The following OR9Q1 variants were observed in gnomAD, a reference collection of about 807,000 sequenced individuals.
The protein encoded by OR9Q1 is olfactory receptor family 9 subfamily Q member 1.
For synonymous variants in OR9Q1, 153 were observed against 148.6 expected (o/e 1.03, Z -0.22); for missense variants, 374 against 378.8 (o/e 0.99, Z 0.11).
rs145716708 is a variant in OR9Q1, at chr11:58,073,244, A to G, written c.-15+17297A>G. On this transcript the variant is annotated intron_variant, in intron 2 of 2. Transcript: ENST00000335397. ...TCTCATTTTGACAGTGTATGACTCAATAAGCTCTCTCTGTCCATCTGTGAT... is the reference window on the plus strand; with the variant it reads ...TCTCATTTTGACAGTGTATGACTCAGTAAGCTCTCTCTGTCCATCTGTGAT... 192 of 220,154 alleles carry G rather than the reference A, an allele frequency of 8.7e-4. 1 individual carries two copies. The highest frequency in any genetic ancestry group is 4.1e-3 in the African/African-American group (176 of 43,262). The allele number at this position is 220,154 out of a possible 1,614,324, so 13.6% of individuals were successfully genotyped here.
intron 2 of OR9Q1, among the ~76,000 whole-genome samples, chr11:58,173,123 T>G (rs576974363): frequency 2.0e-5 from 3 of 152,230 alleles, no homozygotes; most frequent in African/African-American, 7.2e-5. Context: ...CATGGTATTT[T>G]CTTTATTTTA....
Position 58,070,936 on chromosome 11 carries a change from C to T in OR9Q1, c.-15+14989C>T, listed in dbSNP as rs118185530. Among the ~76,000 whole-genome samples, 101 of 152,334 alleles carry T rather than the reference C, an allele frequency of 6.6e-4. 1 individual carries two copies. In the East Asian group the frequency reaches 0.017, roughly 26 times the overall value. On this transcript the variant is annotated intron_variant, in intron 2 of 2. Coordinates refer to ENST00000335397, the MANE Select transcript of OR9Q1 (RefSeq NM_001005212.4). ...TCCCTTCTGCTACCCACAGATGTCC[C>T]TAGTCTCATGGCTGACGCTGGCCTA...
chr11:58,109,195 GC>G, intron 2 of OR9Q1: 1 of 477,600 alleles, frequency 2.1e-6, no homozygotes, highest in Non-Finnish European at 4.3e-6. Context: ...ATGCAGAATG[GC>G]CCCTGACACC....
At chr11:58,109,097 A>G (rs761707930) in intron 2 of OR9Q1, 2 of 490,856 alleles carry the variant, frequency 4.1e-6, no homozygotes, top group African/African-American at 2.0e-5. Flanking sequence ...ATGCTGCTGC[A>G]GGCGAGCTTC....
intron 2 of OR9Q1, among the ~76,000 whole-genome samples, chr11:58,068,908 C>T (rs543920833): frequency 6.6e-6 from 1 of 152,076 alleles, no homozygotes; most frequent in African/African-American, 2.4e-5. Flanking sequence ...GATTCGCATC[C>T]ATGAATATAA....
intron 2 of OR9Q1, among the ~76,000 whole-genome samples, chr11:58,066,051 G>T (rs1853425981): frequency 6.6e-6 from 1 of 152,144 alleles, no homozygotes; most frequent in Non-Finnish European, 1.5e-5. Context: ...GGTATGACAG[G>T]TCTGGAGTCC....
intron 2 of OR9Q1, among the ~76,000 whole-genome samples, chr11:58,135,117 T>C (rs1034511809): frequency 3.9e-5 from 6 of 152,178 alleles, no homozygotes; most frequent in Non-Finnish European, 7.3e-5. Flanking sequence ...TTTAAGCAAC[T>C]GGCTGGGAAT....
chr11:58,074,557 C>T (rs890379502), intron 2 of OR9Q1, among the ~76,000 whole-genome samples: 1 of 151,872 alleles, frequency 6.6e-6, no homozygotes, highest in African/African-American at 2.4e-5. Context: ...CTGTAGTTTG[C>T]CTTTTCACTC....
In OR9Q1 at chr11:58,030,452, C is replaced by A. The variant is rs547267603; in HGVS notation, c.-93+6348C>A. 9.2e-5 allele frequency among the ~76,000 whole-genome samples: 14 copies of A among 152,320 alleles called. 1 individual carries two copies. In the South Asian group the frequency reaches 2.7e-3, roughly 29 times the overall value. The stretch of plus-strand genomic sequence containing the variant: ...AATTATCTAACTTACATTTTCACAA[C>A]AAATCTGTTAGGTTCTCTTTTATTT... On this transcript the variant is annotated intron_variant, in intron 1 of 2. Transcript: ENST00000335397.
chr11:58,173,009 A>G lies in OR9Q1; in HGVS notation c.-14-6422A>G, dbSNP rs560030789. 4.6e-5 allele frequency among the ~76,000 whole-genome samples: 7 copies of G among 152,288 alleles called. No homozygotes were observed. In the South Asian group the frequency reaches 1.0e-3, roughly 23 times the overall value. On this transcript the variant is annotated intron_variant, in intron 2 of 2. Transcript: ENST00000335397. Reference sequence around the variant, plus strand: ...TATAATGATTTCTGTCTAGTAAACTATAAGTGGTAAAAAAAATTACTGGTT... The same window carrying G: ...TATAATGATTTCTGTCTAGTAAACTGTAAGTGGTAAAAAAAATTACTGGTT...
At chr11:58,074,918 A>T (rs193204960) in intron 2 of OR9Q1, among the ~76,000 whole-genome samples, 2 of 152,024 alleles carry the variant, frequency 1.3e-5, no homozygotes, top group African/African-American at 4.8e-5. Context: ...ATGGTTTTAG[A>T]TGTGTGGTGT....
intron 2 of OR9Q1, among the ~76,000 whole-genome samples, chr11:58,145,725 T>G (rs1030228945): frequency 6.6e-6 from 1 of 152,186 alleles, no homozygotes; most frequent in South Asian, 2.1e-4. Flanking sequence ...CTACAAAATA[T>G]AGATTTTTTT....
intron 2 of OR9Q1, among the ~76,000 whole-genome samples, chr11:58,107,171 G>T (rs1204216692): frequency 6.6e-6 from 1 of 151,748 alleles, no homozygotes; most frequent in African/African-American, 2.4e-5. Context: ...GTGCAGGTTT[G>T]TTATATATGT....
At chr11:58,083,264 G>A (rs1370026375) in intron 2 of OR9Q1, among the ~76,000 whole-genome samples, 1 of 151,826 alleles carries the variant, frequency 6.6e-6, no homozygotes, top group East Asian at 1.9e-4. Context: ...TATTAAATAG[G>A]GAATCCTTTC....
At chr11:58,087,262 A>G (rs918181246) in intron 2 of OR9Q1, among the ~76,000 whole-genome samples, 5 of 151,816 alleles carry the variant, frequency 3.3e-5, no homozygotes, top group African/African-American at 9.7e-5. Flanking sequence ...AAGACTCAAT[A>G]CATCATCAAT....
Position 58,095,563 on chromosome 11 carries a change from CAT to C in OR9Q1, c.-15+39617_-15+39618del, listed in dbSNP as rs1385723527. Among the ~76,000 whole-genome samples the C allele has an allele frequency of 3.9e-5, 6 of 152,250 alleles. No individual in the cohort carries two copies. The East Asian group carries it at 1.2e-3, about 29-fold the overall frequency. On this transcript the variant is annotated intron_variant, in intron 2 of 2. Transcript: ENST00000335397. ...TAATCATGGTGGAAGGGGAAGCAAA[CAT>C]GTCTTTTTTCATATGGCAGCAGGAG...
chr11:58,076,936 A>G (rs2120032141), intron 2 of OR9Q1, among the ~76,000 whole-genome samples: 1 of 152,356 alleles, frequency 6.6e-6, no homozygotes, highest in Non-Finnish European at 1.5e-5. Context: ...AATAATTGAA[A>G]TCTTCCCCTT....
intron 2 of OR9Q1, among the ~76,000 whole-genome samples, chr11:58,175,977 T>C (rs1196566734): frequency 2.0e-5 from 3 of 152,142 alleles, no homozygotes; most frequent in African/African-American, 4.8e-5. Flanking sequence ...TCCCAGGCTT[T>C]TGTTTTCTCC....
intron 2 of OR9Q1, among the ~76,000 whole-genome samples, chr11:58,068,068 G>A (rs1426972610): frequency 6.6e-6 from 1 of 152,140 alleles, no homozygotes; most frequent in Admixed American, 6.5e-5. Context: ...GCCGGGCATG[G>A]TGGCTCACGC....
Sources: gnomAD v4.1 joint callset for allele counts (sites outside exome capture counted in the v4.1 genomes callset) on GRCh38, gnomAD v4.1.1 for gene constraint, MANE v1.5 for transcripts, NCBI Gene and HGNC (gene_info 2026-07-23, HGNC 2026-07-21) for gene names.